SERGEF: variants seen among roughly 807,000 people sequenced by gnomAD.
SERGEF encodes the protein secretion regulating guanine nucleotide exchange factor.
Under a neutral mutation model 50.0 loss-of-function variants are expected in SERGEF, and 51 were observed. That is an observed-to-expected ratio of 1.02 (90% CI 0.81 to 1.29). The LOEUF (loss-of-function observed/expected upper bound fraction) is 1.29, where lower values mean the gene tolerates loss of function less well. Ranked by LOEUF, SERGEF falls within the 50% of genes most tolerant of loss-of-function variation. The probability of loss-of-function intolerance (pLI) is 0.00; values close to 1 mark genes in which losing one functional copy is unlikely to be tolerated. For missense variants in SERGEF, 521 were observed against 557.0 expected, an observed-to-expected ratio of 0.94 and a Z score of 0.65; for synonymous variants, 205 against 212.4, an observed-to-expected ratio of 0.97 and a Z score of 0.30.
chr11:17,927,494 G>A (rs1001310851), intron 9 of SERGEF, among the ~76,000 whole-genome samples: 3 of 152,204 alleles, frequency 2.0e-5, no homozygotes, highest in African/African-American at 7.2e-5. Context: ...CAGAGGAAAA[G>A]CACACATACA....
chr11:17,803,047 G>A (rs1849699332), intron 10 of SERGEF, among the ~76,000 whole-genome samples: 1 of 152,230 alleles, frequency 6.6e-6, no homozygotes, highest in South Asian at 2.1e-4. Flanking sequence ...GCCCCAGGAG[G>A]GGCTCATTCC....
intron 9 of SERGEF, among the ~76,000 whole-genome samples, chr11:17,923,169 C>T (rs1316440754): frequency 1.3e-5 from 2 of 152,198 alleles, no homozygotes; most frequent in Admixed American, 6.5e-5. Flanking sequence ...TCAGCTGATT[C>T]CCGTCTATTG....
chr11:17,904,436 A>G (rs1449727101), intron 9 of SERGEF, among the ~76,000 whole-genome samples: 1 of 152,240 alleles, frequency 6.6e-6, no homozygotes, highest in African/African-American at 2.4e-5. Flanking sequence ...ATTCGACTAT[A>G]GCCACAGGCC....
At chr11:17,951,719 T>G (rs1385419872) in intron 9 of SERGEF, among the ~76,000 whole-genome samples, 1 of 152,032 alleles carries the variant, frequency 6.6e-6, no homozygotes, top group East Asian at 1.9e-4. Flanking sequence ...ATGAGAAAAA[T>G]GAGGGGTCTG....
chr11:17,822,679 T>A (rs781762150), intron 10 of SERGEF, among the ~76,000 whole-genome samples: 1 of 152,144 alleles, frequency 6.6e-6, no homozygotes, highest in Non-Finnish European at 1.5e-5. Context: ...GATTCCAAAG[T>A]GCCATCAGGC....
At chr11:17,796,493 G>A (rs1331627535) in intron 10 of SERGEF, among the ~76,000 whole-genome samples, 2 of 152,190 alleles carry the variant, frequency 1.3e-5, no homozygotes, top group Non-Finnish European at 2.9e-5. Flanking sequence ...TAATTATCGT[G>A]GGAGTTTGGT....
chr11:17,793,755 A>C (rs7948134), intron 10 of SERGEF, among the ~76,000 whole-genome samples: 131,693 of 152,224 alleles, frequency 0.87, 57,121 homozygotes, highest in African/African-American at 0.93. Flanking sequence ...CATGGCTGAG[A>C]CTTGGGTGGA....
Position 17,888,628 on chromosome 11 carries a change from T to TACACACACAC in SERGEF, c.1012-10394_1012-10385dup, listed in dbSNP as rs58279017. Among the ~76,000 whole-genome samples the TACACACACAC allele has an allele frequency of 3.9e-4, 56 of 143,870 alleles. No individual in the cohort carries two copies. Among genetic ancestry groups the TACACACACAC allele is most frequent in the African/African-American group, 1.4e-3 (53 of 38,500 alleles). The allele number at this position is 143,870 out of a possible 152,430, so 94.4% of individuals were successfully genotyped here. On this transcript the variant is annotated intron_variant, in intron 9 of 10. Transcript: ENST00000265965. The surrounding 1 kb of genome is among the most constrained non-coding windows in gnomAD (Gnocchi z 4.1). Reference sequence around the variant, plus strand: ...AGTTATCAGTATGAACTCACAGTTTTACACACACACACACACACACACACA... The same window carrying TACACACACAC: ...AGTTATCAGTATGAACTCACAGTTTTACACACACACACACACACACACACACACACACACA...
chr11:17,821,060 C>A (rs942367213), intron 10 of SERGEF, among the ~76,000 whole-genome samples: 1 of 152,114 alleles, frequency 6.6e-6, no homozygotes, highest in African/African-American at 2.4e-5. Flanking sequence ...GAGAAGGCCA[C>A]GTGAAGACAG....
chr11:17,845,879 C>A (rs1405458083), intron 10 of SERGEF, among the ~76,000 whole-genome samples: 1 of 152,154 alleles, frequency 6.6e-6, no homozygotes, highest in Admixed American at 6.5e-5. Flanking sequence ...CTGATAGTCA[C>A]CAGGTGATTA....
chr11:17,970,377 A>G (rs1853221592), intron 8 of SERGEF, among the ~76,000 whole-genome samples: 1 of 152,108 alleles, frequency 6.6e-6, no homozygotes, highest in Admixed American at 6.5e-5. Context: ...TTGTGTTCTG[A>G]CTGCTCCACC....
At chr11:17,936,436 T>C (rs1435045909) in intron 9 of SERGEF, among the ~76,000 whole-genome samples, 1 of 152,224 alleles carries the variant, frequency 6.6e-6, no homozygotes, top group Non-Finnish European at 1.5e-5. Flanking sequence ...CATATCAGCA[T>C]TACGATTTGA....
chr11:17,913,625 G>A (rs1851994621), intron 9 of SERGEF, among the ~76,000 whole-genome samples: 1 of 152,194 alleles, frequency 6.6e-6, no homozygotes, highest in South Asian at 2.1e-4. Context: ...ATTTCAGGAA[G>A]GAGGCTTAGC....
Position 17,992,933 on chromosome 11 carries a change from G to A in SERGEF, c.683C>T (p.Thr228Ile), listed in dbSNP as rs779100531. The A allele has an allele frequency of 4.3e-6, 7 of 1,613,636 alleles. No homozygotes were observed. In the Admixed American group the frequency reaches 8.3e-5, roughly 19 times the overall value. ...ACCGTGAAAGAGCTGGTACCTACCT[G>A]TTAATGAAGCTGAGTGGTCTGAGCC... ...LAGSDHSASLTDAGEVYVWGS... is the reference protein window; with the variant it reads ...LAGSDHSASLIDAGEVYVWGS... The change falls in exon 7 of 11, where the codon ACA becomes ATA. Residue 228 changes from threonine (T) to isoleucine (I), a missense_variant and splice_region_variant. Physicochemically the swap from Thr to Ile is moderately conservative, Grantham distance 89 (BLOSUM62 -1). Coordinates refer to ENST00000265965, the MANE Select transcript of SERGEF (RefSeq NM_012139.4).
rs1462190166 is a variant in SERGEF at position 17,904,798 on chromosome 11, C to T, written c.1012-26554G>A. Among the ~76,000 whole-genome samples, 5 of 152,136 alleles carry T rather than the reference C, an allele frequency of 3.3e-5. No homozygotes were observed. In the East Asian group the frequency reaches 9.6e-4, roughly 29 times the overall value. On this transcript the variant is annotated intron_variant, in intron 9 of 10. Coordinates refer to ENST00000265965, the MANE Select transcript of SERGEF (RefSeq NM_012139.4). ...GGCATTTAAAACCACCTTCTCTGACCCAAAACACAATGCAATGCAGTGCAA... is the reference window on the plus strand; with the variant it reads ...GGCATTTAAAACCACCTTCTCTGACTCAAAACACAATGCAATGCAGTGCAA...
intron 9 of SERGEF, among the ~76,000 whole-genome samples, chr11:17,955,416 T>C (rs1312489786): frequency 1.3e-5 from 2 of 152,142 alleles, no homozygotes; most frequent in Non-Finnish European, 2.9e-5. Flanking sequence ...TGTCAACCAA[T>C]GTTTATGGAA....
chr11:17,815,863 A>C (rs781073406), intron 10 of SERGEF, among the ~76,000 whole-genome samples: 2 of 152,148 alleles, frequency 1.3e-5, no homozygotes, highest in Non-Finnish European at 2.9e-5. Flanking sequence ...CAGAGGTTGC[A>C]GTGATCCCAG....
intron 6 of SERGEF, among the ~76,000 whole-genome samples, chr11:17,993,383 A>ATG (rs564985121): frequency 6.6e-6 from 1 of 152,172 alleles, no homozygotes; most frequent in Non-Finnish European, 1.5e-5. Context: ...ATGTGTGTGC[A>ATG]TGTGTGTGTG....
chr11:17,871,334 GC>G (rs1253381160), intron 10 of SERGEF, among the ~76,000 whole-genome samples: 1 of 151,946 alleles, frequency 6.6e-6, no homozygotes, highest in East Asian at 1.9e-4. Flanking sequence ...GGTGGCAGGC[GC>G]CTGTAGTCCC....
Sources: allele counts gnomAD v4.1 joint callset (sites outside exome capture counted in the v4.1 genomes callset), GRCh38; gene constraint gnomAD v4.1.1; non-coding constraint Gnocchi (gnomAD v3.1); transcripts MANE v1.5; gene names NCBI Gene and HGNC (gene_info 2026-07-23, HGNC 2026-07-21).